The following CELSR1 variants were observed in gnomAD, a reference collection of about 807,000 sequenced individuals.
CELSR1 encodes the protein cadherin EGF LAG seven-pass G-type receptor 1, also known as adhesion G protein-coupled receptor C1.
In CELSR1, 110 loss-of-function variants were observed where a neutral mutation model predicts 249.1. The ratio of observed to expected loss-of-function variants is 0.44; its 90% CI spans 0.38 to 0.52. The LOEUF is 0.52. Among genes scored for constraint, CELSR1 ranks in the 20% least tolerant of loss-of-function variants. CELSR1 has a pLI of 0.00. For missense variants in CELSR1, 4,109 were observed against 4,296.4 expected, an observed-to-expected ratio of 0.96 and a Z score of 1.22; for synonymous variants, 2,113 against 1,900.0, an observed-to-expected ratio of 1.11 and a Z score of -2.92.
rs375584699 is a variant in CELSR1 at position 46,413,638 on chromosome 22, C to CT, written c.4612-1880dup. Among the ~76,000 whole-genome samples, 42 of 152,284 alleles carry CT rather than the reference C, an allele frequency of 2.8e-4. No individual in the cohort carries two copies. The highest frequency in any genetic ancestry group is 8.9e-4 in the African/African-American group (37 of 41,550). On this transcript the variant is annotated intron_variant, in intron 5 of 34. Coordinates refer to ENST00000674500, the MANE Select transcript of CELSR1 (RefSeq NM_001378328.1). This position sits in a 1 kb window ranked among gnomAD's most constrained non-coding sequence, Gnocchi z 4.7. The stretch of plus-strand genomic sequence containing the variant: ...CCTGGTATTCGAATGCATGGATCAC[C>CT]TTTTTCATTTTTCTTTTACATCAGC...
intron 1 of CELSR1, among the ~76,000 whole-genome samples, chr22:46,492,062 A>T (rs1038157670): frequency 6.6e-6 from 1 of 152,250 alleles, no homozygotes. Context: ...ACACACAAGG[A>T]AACAACTGCC....
In CELSR1 at chr22:46,428,163, C is replaced by A. The variant is rs1049865655; in HGVS notation, c.4611+5230G>T. 6.6e-6 allele frequency among the ~76,000 whole-genome samples: 1 copy of A among 152,174 alleles called. No individual in the cohort carries two copies. Among genetic ancestry groups the A allele is most frequent in the Admixed American group, 6.5e-5 (1 of 15,282 alleles). ...GGCCGGTCCTCCGGTTTGTTGCAAC[C>A]GGGCCTCATGCTGTCTTTATAAAAG... is the stretch of plus-strand genomic sequence containing the variant. On this transcript the variant is annotated intron_variant, in intron 5 of 34. Transcript: ENST00000674500. The surrounding 1 kb of genome is among the most constrained non-coding windows in gnomAD (Gnocchi z 5.7).
Position 46,380,716 on chromosome 22 carries a change from T to G in CELSR1, c.7256+72A>C. 6.5e-7 allele frequency: 1 copy of G among 1,543,122 alleles called. No homozygotes were observed. The highest frequency in any genetic ancestry group is 2.3e-5 in the East Asian group (1 of 44,190). On this transcript the variant is annotated intron_variant, in intron 22 of 34. Coordinates refer to ENST00000674500, the MANE Select transcript of CELSR1 (RefSeq NM_001378328.1). This position sits in a 1 kb window ranked among gnomAD's most constrained non-coding sequence, Gnocchi z 5.1. ...CCGTCCTCTTGGGGCGCTCTGCCAC[T>G]GAGCCCCCGACCCTGCGGGGGCACT...
At chr22:46,508,662 C>T (rs1027588182) in intron 1 of CELSR1, among the ~76,000 whole-genome samples, 2 of 152,170 alleles carry the variant, frequency 1.3e-5, no homozygotes, top group African/African-American at 4.8e-5. Flanking sequence ...ACCCCCACCC[C>T]ATGGCGCGTC....
intron 30 of CELSR1, 145 bp from the exon 31 acceptor site, chr22:46,365,834 A>G (rs201913508): frequency 3.4e-5 from 3 of 89,188 alleles, no homozygotes; most frequent in Admixed American, 1.6e-4. Context: ...TATGTGGGGG[A>G]AAGGTGGTGG....
chr22:46,386,538 C>T lies in CELSR1; in HGVS notation c.6603G>A (p.Ala2201=), dbSNP rs574451500. The part of the protein sequence containing the change: ...GSALLAPATR[A]AWEQIQRSEG... ...CGCTCCGCTGGATCTGCTCCCACGC[C>T]GCCCTGGTGGCTGGGGCCAGGAGGG... The change falls in exon 19 of 35, where the codon GCG becomes GCA. Residue 2201 remains alanine, a synonymous_variant. Coordinates refer to ENST00000674500, the MANE Select transcript of CELSR1 (RefSeq NM_001378328.1). 32 of 1,597,574 alleles carry T rather than the reference C, an allele frequency of 2.0e-5. No individual in the cohort carries two copies. In the African/African-American group the frequency reaches 2.3e-4, roughly 11 times the overall value.
In CELSR1 at chr22:46,390,036, G is replaced by C. The variant is rs561078085; in HGVS notation, c.6345+356C>G. 2.0e-5 allele frequency among the ~76,000 whole-genome samples: 3 copies of C among 152,332 alleles called. No homozygotes were observed. Among genetic ancestry groups the C allele is most frequent in the African/African-American group, 7.2e-5 (3 of 41,568 alleles). On this transcript the variant is annotated intron_variant, in intron 17 of 34. Coordinates refer to ENST00000674500, the MANE Select transcript of CELSR1 (RefSeq NM_001378328.1). This position sits in a 1 kb window ranked among gnomAD's most constrained non-coding sequence, Gnocchi z 6.3. ...GGAAACGAGGGTCTGGTGGGCCAAA[G>C]AGGGCTCAGAGAAAGATAGCGAGTG...
At chr22:46,365,130 G>T in intron 32 of CELSR1, 101 bp downstream of exon 32, 18 of 1,446,796 alleles carry the variant, frequency 1.2e-5, no homozygotes, top group Middle Eastern at 2.5e-4. Context: ...CTGCAGTGCT[G>T]CTGGGCATAT....
Position 46,440,202 on chromosome 22 carries a change from G to A in CELSR1, c.4184-791C>T, listed in dbSNP as rs1238407441. 6.6e-6 allele frequency among the ~76,000 whole-genome samples: 1 copy of A among 152,152 alleles called. No homozygotes were observed. Among genetic ancestry groups the A allele is most frequent in the African/African-American group, 2.4e-5 (1 of 41,428 alleles). ...AACCTCATCTGCTCGGAGGGTCTCAGTGTTCGCCATGCTTCGACCCAGTTG... is the reference window on the plus strand; with the variant it reads ...AACCTCATCTGCTCGGAGGGTCTCAATGTTCGCCATGCTTCGACCCAGTTG... On this transcript the variant is annotated intron_variant, in intron 2 of 34. Coordinates refer to ENST00000674500, the MANE Select transcript of CELSR1 (RefSeq NM_001378328.1). The surrounding 1 kb of genome is among the most constrained non-coding windows in gnomAD (Gnocchi z 4.7).
chr22:46,452,645 G>A (rs2079899491), intron 2 of CELSR1, among the ~76,000 whole-genome samples: 1 of 152,242 alleles, frequency 6.6e-6, no homozygotes, highest in Admixed American at 6.5e-5. Flanking sequence ...GTCCTTCCAA[G>A]CCAAGGCGTG....
intron 2 of CELSR1, among the ~76,000 whole-genome samples, chr22:46,456,063 CTTTA>C (rs148351362): frequency 0.029 from 4,386 of 152,294 alleles, 87 homozygotes; most frequent in African/African-American, 0.06. Flanking sequence ...TCTGTTACTG[CTTTA>C]TTTGAGATTT....
Position 46,374,239 on chromosome 22 carries a change from G to A in CELSR1, c.7585-1182C>T, listed in dbSNP as rs1431878095. On this transcript the variant is annotated intron_variant, in intron 24 of 34. Coordinates refer to ENST00000674500, the MANE Select transcript of CELSR1 (RefSeq NM_001378328.1). This position sits in a 1 kb window ranked among gnomAD's most constrained non-coding sequence, Gnocchi z 4.3. ...AATCACACTGGCTCAGGAAAAGGAAGGGGGTGAGAAGGTTGGTTGGCTGGA... is the reference window on the plus strand; with the variant it reads ...AATCACACTGGCTCAGGAAAAGGAAAGGGGTGAGAAGGTTGGTTGGCTGGA... 6.6e-6 allele frequency among the ~76,000 whole-genome samples: 1 copy of A among 152,248 alleles called. No homozygotes were observed. The highest frequency in any genetic ancestry group is 2.4e-5 in the African/African-American group (1 of 41,468).
chr22:46,417,886 C>T lies in CELSR1; in HGVS notation c.4612-6127G>A, dbSNP rs748282935. Among the ~76,000 whole-genome samples the T allele has an allele frequency of 2.0e-5, 3 of 152,178 alleles. No homozygotes were observed. The highest frequency in any genetic ancestry group is 4.4e-5 in the Non-Finnish European group (3 of 68,036). On this transcript the variant is annotated intron_variant, in intron 5 of 34. Coordinates refer to ENST00000674500, the MANE Select transcript of CELSR1 (RefSeq NM_001378328.1). This position sits in a 1 kb window ranked among gnomAD's most constrained non-coding sequence, Gnocchi z 4.1. ...TCCAGCTGGGCGGGCCCAAGGCCGG[C>T]GGGGGGCTCACAGGACAGCAGTGTC...
At position 46,471,385 on chromosome 22, in the gene CELSR1, T is replaced by C. The variant is rs180793738; in HGVS notation, c.3545-7040A>G. Among the ~76,000 whole-genome samples, 796 of 151,792 alleles carry C rather than the reference T, an allele frequency of 5.2e-3. 10 individuals are homozygous for C. The highest frequency in any genetic ancestry group is 0.017 in the African/African-American group (698 of 41,398). On this transcript the variant is annotated intron_variant, in intron 1 of 34. Coordinates refer to ENST00000674500, the MANE Select transcript of CELSR1 (RefSeq NM_001378328.1). This position sits in a 1 kb window ranked among gnomAD's most constrained non-coding sequence, Gnocchi z 4.9. ...TACGTTATTACATTAGCATGGTAGG[T>C]TTGGGGGTCTTTTGCTTGTTTTGAG... is the stretch of plus-strand genomic sequence containing the variant.
In CELSR1 at chr22:46,500,870, T is replaced by C. The variant is rs911315020; in HGVS notation, c.3544+32757A>G. ...CCATCTGCGGGCAGAGCTGTCCTTG[T>C]AAGCACGCCCATGATGGGACCCGAA... On this transcript the variant is annotated intron_variant, in intron 1 of 34. Transcript: ENST00000674500. The surrounding 1 kb of genome is among the most constrained non-coding windows in gnomAD (Gnocchi z 4.9). Among the ~76,000 whole-genome samples, 2 of 152,026 alleles carry C rather than the reference T, an allele frequency of 1.3e-5. No homozygotes were observed. The highest frequency in any genetic ancestry group is 6.6e-5 in the Admixed American group (1 of 15,244).
chr22:46,535,716 G>A lies in CELSR1; in HGVS notation c.1455C>T (p.Asp485=). Residue 485 remains aspartate (D), a synonymous_variant, in exon 1 of 35, where the codon GAC becomes GAT. Transcript: ENST00000674500. ...TGGCCGCGTTCTGGCCCTGGTCCCG[G>A]TCCGTGGCCTGCACTCGCAGCACAG... ...NTAVLRVQAT[D]RDQGQNAAIH... The A allele has an allele frequency of 6.2e-7, 1 of 1,612,744 alleles. No individual in the cohort carries two copies. Among genetic ancestry groups the A allele is most frequent in the Non-Finnish European group, 8.5e-7 (1 of 1,180,008 alleles).
At chr22:46,366,935 C>A in intron 29 of CELSR1, 58 bp downstream of exon 29, 2 of 1,558,524 alleles carry the variant, frequency 1.3e-6, no homozygotes, top group Non-Finnish European at 1.7e-6. Context: ...ATCACCCTCC[C>A]CCGCCCCTCG....
At chr22:46,394,993 C>T (rs1228293464) in intron 13 of CELSR1, among the ~76,000 whole-genome samples, 5 of 152,218 alleles carry the variant, frequency 3.3e-5, no homozygotes, top group East Asian at 1.9e-4. Flanking sequence ...CCTGCAACGG[C>T]CCCGCCCGAG....
At position 46,526,128 on chromosome 22, in the gene CELSR1, G is replaced by A. The variant is rs1280427277; in HGVS notation, c.3544+7499C>T. The stretch of plus-strand genomic sequence containing the variant: ...TGGTGAGTCCATGTCCCGTGGACCT[G>A]TGGCCCCTTCCATTCTCCCAGGCCC... On this transcript the variant is annotated intron_variant, in intron 1 of 34. Coordinates refer to ENST00000674500, the MANE Select transcript of CELSR1 (RefSeq NM_001378328.1). This position sits in a 1 kb window ranked among gnomAD's most constrained non-coding sequence, Gnocchi z 4.7. Among the ~76,000 whole-genome samples the A allele has an allele frequency of 6.6e-6, 1 of 152,240 alleles. No individual in the cohort carries two copies. Among genetic ancestry groups the A allele is most frequent in the African/African-American group, 2.4e-5 (1 of 41,456 alleles).
Sources: gnomAD v4.1 joint callset for allele counts (sites outside exome capture counted in the v4.1 genomes callset) on GRCh38, gnomAD v4.1.1 for gene constraint, Gnocchi (gnomAD v3.1) non-coding constraint, MANE v1.5 for transcripts, NCBI Gene and HGNC (gene_info 2026-07-23, HGNC 2026-07-21) for gene names.